The following NHSL2 variants were observed in gnomAD, a reference collection of about 807,000 sequenced individuals.
NHSL2 encodes the protein NHS like 2, also known as NHS-like protein 2.
NHSL2 carries 27 observed loss-of-function variants against 53.4 expected under a neutral mutation model. The ratio of observed to expected loss-of-function variants is 0.51; its 90% CI spans 0.37 to 0.70. The LOEUF (loss-of-function observed/expected upper bound fraction) is 0.70, where lower values mean the gene tolerates loss of function less well. NHSL2 is among the 30% of genes least tolerant of loss of function. NHSL2 has a pLI of 0.00. For synonymous variants in NHSL2, 408 were observed against 404.1 expected, an observed-to-expected ratio of 1.01 and a Z score of -0.12; for missense variants, 892 against 980.1, an observed-to-expected ratio of 0.91 and a Z score of 1.20.
chrX:71,936,920 C>T (rs1377130189), intron 1 of NHSL2, among the ~76,000 whole-genome samples: 1 of 112,090 alleles, frequency 8.9e-6, no homozygotes, highest in Non-Finnish European at 1.9e-5. Flanking sequence ...AGTTTCTCTG[C>T]TTGCATCCTC....
chrX:71,938,216 C>T (rs1300449995), intron 1 of NHSL2, among the ~76,000 whole-genome samples: 1 of 112,281 alleles, frequency 8.9e-6, no homozygotes, highest in Non-Finnish European at 1.9e-5. Flanking sequence ...ATTGCATGAG[C>T]AGGGTTGAGG....
In NHSL2 at chrX:72,138,714, C is replaced by T. The variant is rs1266115862; in HGVS notation, c.1166C>T (p.Ser389Phe). ...AATGGACCTACAGAATCAACCTTCT[C>T]CACTTCCTGGAAGGGAGATGCTTTT... is the stretch of plus-strand genomic sequence containing the variant. ...SCNGPTESTF[S>F]TSWKGDAFTY... The change falls in exon 6 of 8, where the codon TCC (serine) becomes TTC (phenylalanine). Residue 389 changes from serine to phenylalanine, a missense_variant. Ser to Phe is a radical substitution (Grantham distance 155). Coordinates refer to ENST00000633930, the MANE Select transcript of NHSL2 (RefSeq NM_001013627.3). The T allele has an allele frequency of 4.1e-6, 5 of 1,205,773 alleles. No homozygotes were observed. In the East Asian group the frequency reaches 1.2e-4, roughly 29 times the overall value.
rs182942013 is a variant in NHSL2 at position 72,037,655 on chromosome X, A to G, written c.281-94424A>G. ...TGGAAGATACCAGGCCTGTGAGGGA[A>G]GAAAGCTCTTCCCCTGGCCAGGTGC... On this transcript the variant is annotated intron_variant, in intron 1 of 7. Coordinates refer to ENST00000633930, the MANE Select transcript of NHSL2 (RefSeq NM_001013627.3). 3.6e-5 allele frequency among the ~76,000 whole-genome samples: 4 copies of G among 111,806 alleles called. No individual in the cohort carries two copies. The East Asian group carries it at 1.1e-3, about 32-fold the overall frequency.
At chrX:72,013,149 A>T (rs1486682246) in intron 1 of NHSL2, among the ~76,000 whole-genome samples, 2 of 112,541 alleles carry the variant, frequency 1.8e-5, no homozygotes, top group Non-Finnish European at 1.9e-5. Flanking sequence ...TTACTATGTT[A>T]AGTCTTCTGA....
At chrX:72,091,467 A>T (rs919071008) in intron 1 of NHSL2, among the ~76,000 whole-genome samples, 5 of 108,927 alleles carry the variant, frequency 4.6e-5, no homozygotes, top group African/African-American at 1.0e-4. Flanking sequence ...AAAAAAAAAA[A>T]TTTTGACGGT....
In NHSL2 at chrX:72,137,095, G is replaced by A; in HGVS notation, c.762G>A (p.Gly254=). The A allele has an allele frequency of 8.6e-7, 1 of 1,165,783 alleles. No homozygotes were observed. The highest frequency in any genetic ancestry group is 1.1e-6 in the Non-Finnish European group (1 of 871,398). ...QSDIVPINIS[G]QQFDKHASLR... Reference sequence around the variant, plus strand: ...CAAGTGTCTTTATTTTGGCTACAGGGCAGCAGTTTGATAAACATGCAAGTT... The same window carrying A: ...CAAGTGTCTTTATTTTGGCTACAGGACAGCAGTTTGATAAACATGCAAGTT... The change falls in exon 5 of 8, where the codon GGG becomes GGA. Residue 254 remains glycine, a splice_region_variant and synonymous_variant. Transcript: ENST00000633930.
intron 1 of NHSL2, among the ~76,000 whole-genome samples, chrX:71,923,350 A>T (rs886432636): frequency 5.4e-5 from 6 of 111,731 alleles, no homozygotes; most frequent in African/African-American, 2.0e-4. Context: ...CTCTGGGTGG[A>T]CCAATTTTAA....
chrX:71,913,143 C>G (rs767394169), intron 1 of NHSL2, among the ~76,000 whole-genome samples: 1 of 111,833 alleles, frequency 8.9e-6, no homozygotes, highest in East Asian at 2.8e-4. Context: ...GTACATGTCC[C>G]ACGGCTCAGA....
chrX:72,132,179 G>T lies in NHSL2; in HGVS notation c.381G>T (p.Pro127=). Residue 127 remains proline, a synonymous_variant, in exon 2 of 8, where the codon CCG becomes CCT. Coordinates refer to ENST00000633930, the MANE Select transcript of NHSL2 (RefSeq NM_001013627.3). The stretch of plus-strand genomic sequence containing the variant: ...TGTTCCTCTCCTCGGGCAGGCCCCC[G>T]AGTGTAGAGGAGCTGCTTCGGGAGG... ...VNVFLSSGRP[P]SVEELLREAQ... 1 of 1,166,527 alleles carries T rather than the reference G, an allele frequency of 8.6e-7. No homozygotes were observed. The highest frequency in any genetic ancestry group is 1.1e-6 in the Non-Finnish European group (1 of 872,244).
At chrX:71,951,040 A>ACACACACACACACACAC (rs35096488) in intron 1 of NHSL2, among the ~76,000 whole-genome samples, 11 of 109,942 alleles carry the variant, frequency 1.0e-4, no homozygotes, top group African/African-American at 2.6e-4. Context: ...ACACACACAC[A>ACACACACACACACACAC]AATACCTGGC....
chrX:71,986,472 TCTTTTTCCCCTCC>T (rs1352024877), intron 1 of NHSL2, among the ~76,000 whole-genome samples: 3 of 112,367 alleles, frequency 2.7e-5, no homozygotes, highest in African/African-American at 9.7e-5. Context: ...ATCTGTCTTT[TCTTTTTCCCCTCC>T]CTTTTTCCCT....
At position 72,140,336 on chromosome X, in the gene NHSL2, T is replaced by G. The variant is rs1227669213; in HGVS notation, c.2788T>G (p.Ser930Ala). The part of the protein sequence containing the change: ...SYTVVRKPKP[S>A]SFPDGRSPGE... ...CACGGTAGTGCGGAAACCAAAGCCC[T>G]CCAGCTTCCCAGATGGCAGAAGCCC... The change falls in exon 6 of 8, where the codon TCC becomes GCC. Residue 930 changes from serine (S) to alanine (A), a missense_variant. By Grantham distance (99) the Ser-to-Ala change is moderately conservative (BLOSUM62 1). Coordinates refer to ENST00000633930, the MANE Select transcript of NHSL2 (RefSeq NM_001013627.3). 1 of 1,209,187 alleles carries G rather than the reference T, an allele frequency of 8.3e-7. No individual in the cohort carries two copies. The highest frequency in any genetic ancestry group is 1.8e-5 in the African/African-American group (1 of 56,960).
intron 1 of NHSL2, among the ~76,000 whole-genome samples, chrX:71,937,892 G>C (rs139876785): frequency 1.4e-3 from 159 of 112,194 alleles, no homozygotes; most frequent in African/African-American, 4.6e-3. Flanking sequence ...GGTGATCAGA[G>C]AACCTACCGT....
At chrX:72,054,168 T>C (rs1379500256) in intron 1 of NHSL2, among the ~76,000 whole-genome samples, 1 of 111,762 alleles carries the variant, frequency 8.9e-6, no homozygotes, top group African/African-American at 3.3e-5. Context: ...TTCTCTGCCA[T>C]ACTCCTCTGT....
rs185012007 is a variant in NHSL2, at chrX:71,974,241, G to A, written c.280+62874G>A. On this transcript the variant is annotated intron_variant, in intron 1 of 7. Coordinates refer to ENST00000633930, the MANE Select transcript of NHSL2 (RefSeq NM_001013627.3). Reference sequence around the variant, plus strand: ...ACAGTGGAAAAAAATTTTTTGGTGTGGGCTTCTCTGTATATCATCTCTACT... The same window carrying A: ...ACAGTGGAAAAAAATTTTTTGGTGTAGGCTTCTCTGTATATCATCTCTACT... Among the ~76,000 whole-genome samples, 361 of 111,529 alleles carry A rather than the reference G, an allele frequency of 3.2e-3. 1 individual carries two copies. The highest frequency in any genetic ancestry group is 0.011 in the African/African-American group (334 of 30,683).
At chrX:72,095,223 A>G (rs995505262) in intron 1 of NHSL2, among the ~76,000 whole-genome samples, 4 of 112,711 alleles carry the variant, frequency 3.5e-5, no homozygotes, top group African/African-American at 1.3e-4. Flanking sequence ...AACAGGAAAG[A>G]TAAGAGCAAG....
In NHSL2 at chrX:72,145,802, T is replaced by C. The variant is rs902932458; in HGVS notation, c.*2228T>C. 2.4e-4 allele frequency: 27 copies of C among 112,381 alleles called. No individual in the cohort carries two copies. The highest frequency in any genetic ancestry group is 8.7e-4 in the African/African-American group (27 of 30,901). The allele number at this position is 112,381 out of a possible 1,213,427, so 9.3% of individuals were successfully genotyped here. On this transcript the variant is annotated 3_prime_UTR_variant, in exon 8 of 8. Transcript: ENST00000633930. ...GAAGTTTCTTGTTTACTACTTCTAA[T>C]GGGTTTTGCCTCTCCCCTCACCTTG... is the stretch of plus-strand genomic sequence containing the variant.
chrX:72,048,070 G>GATGATAATA (rs754551330), intron 1 of NHSL2, among the ~76,000 whole-genome samples: 132 of 101,784 alleles, frequency 1.3e-3, no homozygotes, highest in African/African-American at 4.8e-3. Context: ...CACTCATGAT[G>GATGATAATA]ATAACAATAA....
intron 1 of NHSL2, chrX:72,131,435 G>A (rs1348346297): frequency 5.8e-6 from 7 of 1,209,158 alleles, no homozygotes; most frequent in Admixed American, 2.2e-5. Flanking sequence ...GCTCTCCCGA[G>A]CTGGAGGCCC....
Sources: gnomAD v4.1 joint callset for allele counts (sites outside exome capture counted in the v4.1 genomes callset) on GRCh38, gnomAD v4.1.1 for gene constraint, MANE v1.5 for transcripts, NCBI Gene and HGNC (gene_info 2026-07-23, HGNC 2026-07-21) for gene names.